EPRS1: variants seen among roughly 807,000 people sequenced by gnomAD.
The protein encoded by EPRS1 is glutamyl-prolyl-tRNA synthetase 1.
EPRS1 carries 107 observed loss-of-function variants against 188.3 expected under a neutral mutation model. That is an observed-to-expected ratio of 0.57 (90% confidence interval 0.49 to 0.67). The LOEUF is 0.67. Ranked by LOEUF, EPRS1 falls within the 30% of genes least tolerant of loss-of-function variation. The probability of loss-of-function intolerance (pLI) is 0.00; values close to 1 mark genes in which losing one functional copy is unlikely to be tolerated. For missense variants in EPRS1, 1,577 were observed against 1,802.2 expected (o/e 0.88, Z 2.26); for synonymous variants, 596 against 593.1 (o/e 1.00, Z -0.07).
Position 219,988,571 on chromosome 1 carries a change from A to C in EPRS1, c.2775+19T>G, listed in dbSNP as rs1205611816. 2 of 1,541,638 alleles carry C rather than the reference A, an allele frequency of 1.3e-6. No individual in the cohort carries two copies. The highest frequency in any genetic ancestry group is 3.4e-5 in the Admixed American group (2 of 58,704). ...GAAACATAAAAAACAAAAGCATATA[A>C]ACAAAATAACACACTAACCTTAGGG... is the stretch of plus-strand genomic sequence containing the variant. On this transcript the variant is annotated intron_variant, in intron 19 of 31. Coordinates refer to ENST00000366923, the MANE Select transcript of EPRS1 (RefSeq NM_004446.3).
chr1:219,974,722 A>G (rs1296204677), intron 28 of EPRS1, among the ~76,000 whole-genome samples: 1 of 152,184 alleles, frequency 6.6e-6, no homozygotes, highest in African/African-American at 2.4e-5. Flanking sequence ...TAAATATTAC[A>G]TTATTTTATT....
At chr1:220,004,774 A>C (rs569740210) in intron 16 of EPRS1, among the ~76,000 whole-genome samples, 1 of 152,084 alleles carries the variant, frequency 6.6e-6, no homozygotes, top group Non-Finnish European at 1.5e-5. Context: ...ACAGAAAAGA[A>C]AAAAAAGGGA....
chr1:220,012,466 T>C (rs1404161523), intron 12 of EPRS1, among the ~76,000 whole-genome samples: 1 of 152,230 alleles, frequency 6.6e-6, no homozygotes, highest in Non-Finnish European at 1.5e-5. Context: ...CTAATTTTAA[T>C]CACCACTTGG....
chr1:219,992,493 A>G (rs1166271631), intron 18 of EPRS1, among the ~76,000 whole-genome samples: 1 of 152,238 alleles, frequency 6.6e-6, no homozygotes, highest in African/African-American at 2.4e-5. Flanking sequence ...TGGAGGGATC[A>G]GCAAACTTTT....
chr1:220,017,682 CA>C (rs947556028), intron 12 of EPRS1, among the ~76,000 whole-genome samples: 2 of 152,088 alleles, frequency 1.3e-5, no homozygotes, highest in African/African-American at 4.8e-5. Flanking sequence ...TAATTTAAAA[CA>C]TGGCATTTGA....
At chr1:219,969,256 C>T in intron 30 of EPRS1, 134 bp from the exon 31 acceptor site, 1 of 648,784 alleles carries the variant, frequency 1.5e-6, no homozygotes, top group Non-Finnish European at 2.7e-6. Flanking sequence ...GGCTATGATA[C>T]CTTTGCAAAC....
chr1:220,006,967 T>C (rs1661500006), intron 14 of EPRS1, among the ~76,000 whole-genome samples: 6 of 152,192 alleles, frequency 3.9e-5, no homozygotes. Context: ...ATTTTTTATA[T>C]CCAGATGTAG....
chr1:219,973,542 A>G (rs1660711664), intron 28 of EPRS1, 144 bp from the exon 29 acceptor site: 2 of 492,842 alleles, frequency 4.1e-6, no homozygotes, highest in South Asian at 7.7e-5. Context: ...AAAAAAAAAA[A>G]ACAGGTAATA....
chr1:220,030,791 T>C (rs1419856690), intron 5 of EPRS1, among the ~76,000 whole-genome samples: 1 of 152,020 alleles, frequency 6.6e-6, no homozygotes. Context: ...TAGAAATGTA[T>C]CAGATGGAGT....
chr1:219,990,128 A>G (rs1189039475), intron 18 of EPRS1, among the ~76,000 whole-genome samples: 1 of 151,852 alleles, frequency 6.6e-6, no homozygotes, highest in Non-Finnish European at 1.5e-5. Context: ...CACGGAAAAA[A>G]AAAAAAAAAA....
intron 20 of EPRS1, 77 bp from the exon 21 acceptor site, chr1:219,984,334 G>T: frequency 1.0e-6 from 1 of 963,938 alleles, no homozygotes; most frequent in Middle Eastern, 2.1e-4. Flanking sequence ...AACCTCTAAA[G>T]TTCAAAATAG....
At chr1:220,037,601 A>G (rs1368652140) in intron 2 of EPRS1, among the ~76,000 whole-genome samples, 1 of 152,022 alleles carries the variant, frequency 6.6e-6, no homozygotes, top group Non-Finnish European at 1.5e-5. Flanking sequence ...AGAACCAAAA[A>G]TAGAGAGAAA....
At chr1:220,028,881 G>A (rs980173869) in intron 6 of EPRS1, among the ~76,000 whole-genome samples, 3 of 152,032 alleles carry the variant, frequency 2.0e-5, no homozygotes, top group Non-Finnish European at 2.9e-5. Context: ...AAGAAGAGAT[G>A]ATGAAAACTA....
chr1:219,992,187 A>G (rs990394172), intron 18 of EPRS1, among the ~76,000 whole-genome samples: 8 of 152,184 alleles, frequency 5.3e-5, no homozygotes, highest in African/African-American at 1.9e-4. Flanking sequence ...CTTTCCTGAT[A>G]AACTGTGGTT....
chr1:219,975,623 GAC>G (rs1353793724), intron 28 of EPRS1, among the ~76,000 whole-genome samples: 3 of 152,112 alleles, frequency 2.0e-5, no homozygotes, highest in Non-Finnish European at 2.9e-5. Flanking sequence ...TTTTAGCAGA[GAC>G]AGGGTTTCAC....
chr1:220,041,235 G>A (rs748868580), intron 1 of EPRS1, among the ~76,000 whole-genome samples: 2 of 152,084 alleles, frequency 1.3e-5, no homozygotes, highest in Admixed American at 6.5e-5. Context: ...AGGGGGCTGA[G>A]GTGGCAGGAC....
Position 219,983,347 on chromosome 1 carries a change from T to C in EPRS1, c.3142A>G (p.Ile1048Val), listed in dbSNP as rs1325477208. ...ATGGCATAGGCCCAGGGACGAAGAA[T>C]ATAACAGCCACTTATGTCATGGTAT... ...IEYHDISGCY[I>V]LRPWAYAIWE... The change falls in exon 22 of 32, where the codon ATT becomes GTT. Residue 1048 changes from isoleucine (I) to valine (V), a missense_variant. Physicochemically the swap from Ile to Val is conservative, Grantham distance 29. Transcript: ENST00000366923. The C allele has an allele frequency of 5.6e-6, 9 of 1,613,986 alleles. No homozygotes were observed. Among genetic ancestry groups the C allele is most frequent in the South Asian group, 5.5e-5 (5 of 91,064 alleles).
intron 11 of EPRS1, 148 bp from the exon 12 acceptor site, chr1:220,018,656 T>C: frequency 1.5e-6 from 1 of 648,702 alleles, no homozygotes; most frequent in East Asian, 2.7e-5. Context: ...ACTCAGTGTA[T>C]ACAAACTAAT....
chr1:220,011,700 T>C (rs1182359830), intron 12 of EPRS1, among the ~76,000 whole-genome samples: 2 of 152,228 alleles, frequency 1.3e-5, no homozygotes, highest in Admixed American at 6.5e-5. Flanking sequence ...TATTTGCAGA[T>C]TGCCTCAATA....
Sources: gnomAD v4.1 joint callset for allele counts (sites outside exome capture counted in the v4.1 genomes callset) on GRCh38, gnomAD v4.1.1 for gene constraint, MANE v1.5 for transcripts, NCBI Gene and HGNC (gene_info 2026-07-23, HGNC 2026-07-21) for gene names.